The following CHRM5 variants were observed in gnomAD, a reference collection of about 807,000 sequenced individuals.
The protein encoded by CHRM5 is cholinergic receptor muscarinic 5, also known as muscarinic acetylcholine receptor M5.
In CHRM5, 18 loss-of-function variants were observed where a neutral mutation model predicts 39.0. That is an observed-to-expected ratio of 0.46 (90% CI 0.32 to 0.68). The LOEUF (loss-of-function observed/expected upper bound fraction) is 0.68, where lower values mean the gene tolerates loss of function less well. CHRM5 is among the 30% of genes least tolerant of loss of function. The pLI is 0.04. For synonymous variants in CHRM5, 241 were observed against 246.3 expected, an observed-to-expected ratio of 0.98 and a Z score of 0.20; for missense variants, 515 against 651.1, an observed-to-expected ratio of 0.79 and a Z score of 2.28.
chr15:34,048,578 G>T lies in CHRM5; in HGVS notation c.-76+1707G>T, dbSNP rs182456073. 2.8e-3 allele frequency among the ~76,000 whole-genome samples: 421 copies of T among 152,088 alleles called. 3 individuals carry two copies. The highest frequency in any genetic ancestry group is 9.5e-3 in the African/African-American group (395 of 41,478). ...CTGGGATGGAGCTCCCAGGAGGAGGGGCAGCCGCCATCTCTACAGTTTGGT... is the reference window on the plus strand; with the variant it reads ...CTGGGATGGAGCTCCCAGGAGGAGGTGCAGCCGCCATCTCTACAGTTTGGT... On this transcript the variant is annotated intron_variant, in intron 2 of 2. Transcript: ENST00000383263.
intron 1 of CHRM5, among the ~76,000 whole-genome samples, chr15:33,981,693 T>C (rs1597305714): frequency 6.6e-6 from 1 of 152,242 alleles, no homozygotes; most frequent in African/African-American, 2.4e-5. Context: ...ACACTAGTTA[T>C]GTGATCCTTG....
rs9672432 is a variant in CHRM5 at position 34,021,433 on chromosome 15, A to C, written c.-407-25107A>C. Among the ~76,000 whole-genome samples the C allele has an allele frequency of 1.2e-3, 179 of 151,900 alleles. 1 individual carries two copies. Among genetic ancestry groups the C allele is most frequent in the African/African-American group, 4.1e-3 (171 of 41,400 alleles). ...CCTGAGTAGCTGGGATTTCAGGCAC[A>C]CACCACCATGCCCAGCTAAGTTTGT... On this transcript the variant is annotated intron_variant, in intron 1 of 2. Coordinates refer to ENST00000383263, the MANE Select transcript of CHRM5 (RefSeq NM_012125.4).
chr15:34,025,289 G>C (rs1434296349), intron 1 of CHRM5, among the ~76,000 whole-genome samples: 1 of 152,192 alleles, frequency 6.6e-6, no homozygotes, highest in Non-Finnish European at 1.5e-5. Flanking sequence ...AACCAACTCT[G>C]GCTAATTTAG....
chr15:33,979,386 G>A (rs1367895988), intron 1 of CHRM5, among the ~76,000 whole-genome samples: 1 of 152,102 alleles, frequency 6.6e-6, no homozygotes, highest in Non-Finnish European at 1.5e-5. Flanking sequence ...GGGTGTGGCT[G>A]TAATCCCAGC....
intron 1 of CHRM5, among the ~76,000 whole-genome samples, chr15:34,045,887 G>A (rs1203595076): frequency 6.6e-6 from 1 of 152,164 alleles, no homozygotes; most frequent in Non-Finnish European, 1.5e-5. Context: ...AATCGGCCAA[G>A]GTTGGAAACC....
intron 2 of CHRM5, among the ~76,000 whole-genome samples, chr15:34,055,771 A>C (rs1900121947): frequency 1.3e-5 from 2 of 152,222 alleles, no homozygotes; most frequent in Admixed American, 1.3e-4. Flanking sequence ...ACTGCACTCC[A>C]GCCTGGGCGA....
rs972698566 is a variant in CHRM5, at chr15:34,062,704, A to C, written c.-14A>C. The C allele has an allele frequency of 6.3e-7, 1 of 1,593,270 alleles. No homozygotes were observed. Among genetic ancestry groups the C allele is most frequent in the African/African-American group, 1.3e-5 (1 of 74,548 alleles). On this transcript the variant is annotated 5_prime_UTR_variant, in exon 3 of 3. Coordinates refer to ENST00000383263, the MANE Select transcript of CHRM5 (RefSeq NM_012125.4). Reference sequence around the variant, plus strand: ...AGAACCTAACACTATTTACTGTAAAATTTTTGCACCAGGATGGAAGGGGAT... The same window carrying C: ...AGAACCTAACACTATTTACTGTAAACTTTTTGCACCAGGATGGAAGGGGAT...
At chr15:34,010,192 C>A (rs1275725120) in intron 1 of CHRM5, among the ~76,000 whole-genome samples, 1 of 152,118 alleles carries the variant, frequency 6.6e-6, no homozygotes, top group African/African-American at 2.4e-5. Context: ...ACTGAAGCTA[C>A]CATCCTATTT....
intron 1 of CHRM5, among the ~76,000 whole-genome samples, chr15:33,982,663 G>T (rs1400782440): frequency 6.6e-6 from 1 of 152,052 alleles, no homozygotes; most frequent in Non-Finnish European, 1.5e-5. Flanking sequence ...ATTTAGTAAT[G>T]GAAACAAGAA....
intron 1 of CHRM5, among the ~76,000 whole-genome samples, chr15:33,983,186 GTGTGTA>G (rs777569597): frequency 4.4e-4 from 33 of 74,450 alleles, no homozygotes; most frequent in Middle Eastern, 7.2e-3. Context: ...ATACACACGT[GTGTGTA>G]TGTGTGTGTA....
rs1278898972 is a variant in CHRM5 at position 34,066,938 on chromosome 15, G to A, written c.*2622G>A. On this transcript the variant is annotated 3_prime_UTR_variant, in exon 3 of 3. Transcript: ENST00000383263. ...ACAAAAAATATCCCAAACTACTAGG[G>A]ACAACTAGACTTCTATAGAATAGCG... 1.3e-5 allele frequency: 2 copies of A among 152,098 alleles called. No homozygotes were observed. Among genetic ancestry groups the A allele is most frequent in the African/African-American group, 4.8e-5 (2 of 41,402 alleles). 9.4% of individuals were successfully genotyped at this position (152,098 alleles called of 1,614,324 possible).
chr15:33,993,640 T>C (rs775925529), intron 1 of CHRM5, among the ~76,000 whole-genome samples: 2 of 152,172 alleles, frequency 1.3e-5, no homozygotes, highest in Admixed American at 6.5e-5. Context: ...TATGAGCTTA[T>C]AGAATAATTA....
intron 1 of CHRM5, among the ~76,000 whole-genome samples, chr15:34,020,857 T>C (rs1898171025): frequency 6.6e-6 from 1 of 152,360 alleles, no homozygotes. Context: ...AGCTGTTTGA[T>C]TTGCCATTTT....
chr15:33,984,527 C>T (rs369416386), intron 1 of CHRM5, among the ~76,000 whole-genome samples: 3 of 151,890 alleles, frequency 2.0e-5, no homozygotes, highest in East Asian at 3.9e-4. Context: ...CTCAGCCTCC[C>T]GCGTAGCTCA....
intron 1 of CHRM5, among the ~76,000 whole-genome samples, chr15:33,978,775 G>A (rs1051917678): frequency 6.6e-6 from 1 of 152,034 alleles, no homozygotes; most frequent in African/African-American, 2.4e-5. Flanking sequence ...CCTTTCCCCT[G>A]GTTCCTACAC....
rs148191916 is a variant in CHRM5, at chr15:34,063,216, C to T, written c.499C>T (p.Leu167Phe). 6.3e-5 allele frequency: 102 copies of T among 1,614,090 alleles called. No homozygotes were observed. The highest frequency in any genetic ancestry group is 4.7e-5 in the Non-Finnish European group (56 of 1,180,044). The change falls in exon 3 of 3, where the codon CTC becomes TTC. Residue 167 changes from leucine to phenylalanine, a missense_variant. Leu to Phe is a conservative substitution (Grantham distance 22, BLOSUM62 0). Transcript: ENST00000383263. This position sits in a 1 kb window ranked among gnomAD's most constrained non-coding sequence, Gnocchi z 4.1. ...CTTCATCCTCTGGGCCCCAGCAATCCTCTGCTGGCAGTACTTGGTTGGGAA... is the reference window on the plus strand; with the variant it reads ...CTTCATCCTCTGGGCCCCAGCAATCTTCTGCTGGCAGTACTTGGTTGGGAA... ...ISFILWAPAI[L>F]CWQYLVGKRT...
At position 34,053,299 on chromosome 15, in the gene CHRM5, C is replaced by CA. The variant is rs71454513; in HGVS notation, c.-76+6449dup. On this transcript the variant is annotated intron_variant, in intron 2 of 2. Transcript: ENST00000383263. ...TGGGTGACAGAGTGAGACTCCATCTCAAAAAAAAAAAAAAAAAAAAATATA... is the reference window on the plus strand; with the variant it reads ...TGGGTGACAGAGTGAGACTCCATCTCAAAAAAAAAAAAAAAAAAAAAATATA... Among the ~76,000 whole-genome samples the CA allele has an allele frequency of 1.2e-3, 63 of 51,538 alleles. 2 individuals are homozygous for CA. The highest frequency in any genetic ancestry group is 3.6e-3 in the African/African-American group (40 of 11,114). The allele number at this position is 51,538 out of a possible 152,430, so 33.8% of individuals were successfully genotyped here.
At chr15:33,994,195 G>A (rs1359166712) in intron 1 of CHRM5, among the ~76,000 whole-genome samples, 3 of 152,188 alleles carry the variant, frequency 2.0e-5, no homozygotes, top group African/African-American at 7.2e-5. Flanking sequence ...GCTTGCATTA[G>A]TGCCTGAGCG....
At chr15:34,053,445 T>A (rs1900019866) in intron 2 of CHRM5, among the ~76,000 whole-genome samples, 1 of 150,534 alleles carries the variant, frequency 6.6e-6, no homozygotes, top group Admixed American at 6.6e-5. Flanking sequence ...AAGGCTACAG[T>A]AATCAAAACA....
Sources: gnomAD v4.1 joint callset for allele counts (sites outside exome capture counted in the v4.1 genomes callset) on GRCh38, gnomAD v4.1.1 for gene constraint, Gnocchi (gnomAD v3.1) non-coding constraint, MANE v1.5 for transcripts, NCBI Gene and HGNC (gene_info 2026-07-23, HGNC 2026-07-21) for gene names.